PTN: variants seen among roughly 807,000 people sequenced by gnomAD.
PTN encodes the protein heparin affin regulatory protein.
A neutral mutation model predicts 24.1 loss-of-function variants in PTN; 18 were observed. That is an observed-to-expected ratio of 0.75 (90% CI 0.52 to 1.11). The LOEUF is 1.11. Among genes scored for constraint, PTN ranks in the 50% least tolerant of loss-of-function variants. PTN has a pLI of 0.00. For missense variants in PTN, 163 were observed against 198.8 expected, an observed-to-expected ratio of 0.82 and a Z score of 1.08; for synonymous variants, 78 against 68.6, an observed-to-expected ratio of 1.14 and a Z score of -0.67.
At chr7:137,276,368 T>A (rs551775578) in intron 1 of PTN, among the ~76,000 whole-genome samples, 1 of 152,330 alleles carries the variant, frequency 6.6e-6, no homozygotes, top group South Asian at 2.1e-4. Flanking sequence ...GAATGCAGCA[T>A]CCTGAGATAA....
intron 1 of PTN, among the ~76,000 whole-genome samples, chr7:137,304,462 G>A (rs1809855731): frequency 6.6e-6 from 1 of 151,798 alleles, no homozygotes. Flanking sequence ...ATCAAAAAAA[G>A]AGAGAGAAAA....
At chr7:137,340,945 T>TGGCCGGGCGCGGTGGCTCACGCCTG (rs1810524179) in intron 1 of PTN, among the ~76,000 whole-genome samples, 1 of 152,164 alleles carries the variant, frequency 6.6e-6, no homozygotes, top group Non-Finnish European at 1.5e-5. Flanking sequence ...GCATAATTCT[T>TGGCCGGGCGCGGTGGCTCACGCCTG]TAGAGAACTG....
Position 137,251,387 on chromosome 7 carries a change from C to G in PTN, c.294G>C (p.Glu98Asp). 2 of 1,614,020 alleles carry G rather than the reference C, an allele frequency of 1.2e-6. No homozygotes were observed. Among genetic ancestry groups the G allele is most frequent in the African/African-American group, 1.3e-5 (1 of 75,042 alleles). The change falls in exon 4 of 5, where the codon GAG (glutamate) becomes GAC (aspartate). Residue 98 changes from glutamate to aspartate, a missense_variant. Transcript: ENST00000348225. ...PCNWKKQFGA[E>D]CKYQFQAWGE... ...CCCAGGCCTGGAACTGGTATTTGCA[C>G]TCCGCTAAAGGCAGGGTAGAACCAA... is the stretch of plus-strand genomic sequence containing the variant.
intron 4 of PTN, among the ~76,000 whole-genome samples, chr7:137,241,526 A>T (rs571370273): frequency 2.6e-4 from 39 of 152,286 alleles, no homozygotes; most frequent in African/African-American, 9.1e-4. Context: ...GAAAGGAAAT[A>T]GTCTTTAAAA....
At chr7:137,256,764 A>G (rs1808933399) in intron 1 of PTN, among the ~76,000 whole-genome samples, 1 of 152,160 alleles carries the variant, frequency 6.6e-6, no homozygotes, top group African/African-American at 2.4e-5. Context: ...TGGTTGAACT[A>G]ATTTCCAGAA....
At chr7:137,301,820 A>C (rs1020531071) in intron 1 of PTN, among the ~76,000 whole-genome samples, 1 of 151,964 alleles carries the variant, frequency 6.6e-6, no homozygotes, top group Admixed American at 6.6e-5. Flanking sequence ...TAATGTAAAA[A>C]TTTTTAAAAG....
chr7:137,265,412 C>G (rs943757840), intron 1 of PTN, among the ~76,000 whole-genome samples: 7 of 152,332 alleles, frequency 4.6e-5, no homozygotes, highest in African/African-American at 1.4e-4. Flanking sequence ...CACACATCTG[C>G]TTGCGGATGA....
intron 1 of PTN, among the ~76,000 whole-genome samples, chr7:137,318,348 C>G (rs930531452): frequency 6.6e-6 from 1 of 152,300 alleles, no homozygotes; most frequent in African/African-American, 2.4e-5. Flanking sequence ...TATTTCAACA[C>G]TTCATCTCTC....
intron 1 of PTN, among the ~76,000 whole-genome samples, chr7:137,306,099 G>A (rs1175556068): frequency 6.6e-6 from 1 of 152,086 alleles, no homozygotes; most frequent in Non-Finnish European, 1.5e-5. Flanking sequence ...TTCTCATTAG[G>A]TCCTGGACAT....
chr7:137,247,453 G>T (rs1808743784), intron 4 of PTN, among the ~76,000 whole-genome samples: 3 of 152,094 alleles, frequency 2.0e-5, no homozygotes, highest in African/African-American at 7.2e-5. Context: ...CTTATTTGTG[G>T]GATCTAAAAT....
At chr7:137,237,928 A>G (rs557560200) in intron 4 of PTN, among the ~76,000 whole-genome samples, 1 of 152,274 alleles carries the variant, frequency 6.6e-6, no homozygotes, top group South Asian at 2.1e-4. Flanking sequence ...CTAGCAAGAG[A>G]AAGGATCATG....
At chr7:137,229,747 G>T (rs1347193956) in intron 4 of PTN, among the ~76,000 whole-genome samples, 2 of 151,698 alleles carry the variant, frequency 1.3e-5, no homozygotes, top group Non-Finnish European at 1.5e-5. Context: ...ATTTTTGTTT[G>T]TTTTCTCAAA....
chr7:137,227,788 C>T lies in PTN; in HGVS notation c.*232G>A, dbSNP rs1411974616. Reference sequence around the variant, plus strand: ...TCAATTGTCTATCATTTATCATGTACTATAAGTCAACTTCCTAAATAAGAT... The same window carrying T: ...TCAATTGTCTATCATTTATCATGTATTATAAGTCAACTTCCTAAATAAGAT... On this transcript the variant is annotated 3_prime_UTR_variant, in exon 5 of 5. Transcript: ENST00000348225. 1.1e-5 allele frequency: 4 copies of T among 362,612 alleles called. No individual in the cohort carries two copies. The highest frequency in any genetic ancestry group is 2.0e-5 in the Non-Finnish European group (4 of 204,308). The allele number at this position is 362,612 out of a possible 1,614,324, so 22.5% of individuals were successfully genotyped here.
At chr7:137,291,273 T>C (rs1809635331) in intron 1 of PTN, among the ~76,000 whole-genome samples, 1 of 152,200 alleles carries the variant, frequency 6.6e-6, no homozygotes. Flanking sequence ...AAAATTACTT[T>C]TCAAAATTTT....
intron 4 of PTN, among the ~76,000 whole-genome samples, chr7:137,240,398 C>T (rs1001446738): frequency 6.6e-6 from 1 of 152,204 alleles, no homozygotes; most frequent in Non-Finnish European, 1.5e-5. Flanking sequence ...ATTTGCCACT[C>T]TATGTGGTAC....
At chr7:137,331,551 C>A (rs1431093) in intron 1 of PTN, among the ~76,000 whole-genome samples, 58,557 of 152,060 alleles carry the variant, frequency 0.39, 11,568 homozygotes, top group South Asian at 0.47. Flanking sequence ...GTTGTTCACT[C>A]GTCATTCCAA....
At chr7:137,267,457 C>T (rs1398392953) in intron 1 of PTN, among the ~76,000 whole-genome samples, 2 of 152,100 alleles carry the variant, frequency 1.3e-5, no homozygotes, top group African/African-American at 4.8e-5. Flanking sequence ...GGTCTGCGTG[C>T]CTTGGCTTAC....
chr7:137,272,812 A>G (rs1563207725), intron 1 of PTN, among the ~76,000 whole-genome samples: 1 of 152,252 alleles, frequency 6.6e-6, no homozygotes, highest in African/African-American at 2.4e-5. Flanking sequence ...AAAGGTAGAT[A>G]CTGAAAGTCC....
At chr7:137,250,014 T>TC (rs1318706994) in intron 4 of PTN, among the ~76,000 whole-genome samples, 1 of 152,220 alleles carries the variant, frequency 6.6e-6, no homozygotes. Context: ...ATTTTTTTTT[T>TC]CTACTTTTAT....
Sources: allele counts gnomAD v4.1 joint callset (sites outside exome capture counted in the v4.1 genomes callset), GRCh38; gene constraint gnomAD v4.1.1; transcripts MANE v1.5; gene names NCBI Gene and HGNC (gene_info 2026-07-23, HGNC 2026-07-21).